ETFDH: variants seen among roughly 807,000 people sequenced by gnomAD.
ETFDH encodes the protein electron transfer flavoprotein dehydrogenase.
Under a neutral mutation model 73.2 loss-of-function variants are expected in ETFDH, and 61 were observed. That is an observed-to-expected ratio of 0.83 (90% confidence interval 0.68 to 1.03). The LOEUF is 1.03. Among genes scored for constraint, ETFDH ranks in the 50% least tolerant of loss-of-function variants. The pLI, the probability that ETFDH is intolerant of heterozygous loss-of-function variation, is 0.00. For synonymous variants in ETFDH, 243 were observed against 253.3 expected (o/e 0.96, Z 0.39); for missense variants, 685 against 745.0 (o/e 0.92, Z 0.94).
chr4:158,678,092 G>A (rs1212326318), intron 1 of ETFDH, among the ~76,000 whole-genome samples: 1 of 152,188 alleles, frequency 6.6e-6, no homozygotes, highest in Non-Finnish European at 1.5e-5. Context: ...GCCCTTTGCG[G>A]AGCTTCATGT....
In ETFDH at chr4:158,697,707, A is replaced by G. The variant is rs778686663; in HGVS notation, c.972+8A>G. Reference sequence around the variant, plus strand: ...GTAGCTCTTGGTCTTGTGGTAAGTTATATTCCCATTAGGGAAAATTCTGCT... The same window carrying G: ...GTAGCTCTTGGTCTTGTGGTAAGTTGTATTCCCATTAGGGAAAATTCTGCT... On this transcript the variant is annotated splice_region_variant and intron_variant, in intron 8 of 12. Coordinates refer to ENST00000511912, the MANE Select transcript of ETFDH (RefSeq NM_004453.4). 8 of 1,612,508 alleles carry G rather than the reference A, an allele frequency of 5.0e-6. No individual in the cohort carries two copies. The highest frequency in any genetic ancestry group is 2.2e-5 in the East Asian group (1 of 44,854).
chr4:158,707,676 A>G (rs934225328), intron 12 of ETFDH, among the ~76,000 whole-genome samples: 13 of 148,510 alleles, frequency 8.8e-5, no homozygotes, highest in African/African-American at 3.4e-4. Flanking sequence ...TCACATTATC[A>G]TACTTGTGTC....
At position 158,685,093 on chromosome 4, in the gene ETFDH, A is replaced by G; in HGVS notation, c.488-8A>G. 2 of 1,493,022 alleles carry G rather than the reference A, an allele frequency of 1.3e-6. No individual in the cohort carries two copies. The highest frequency in any genetic ancestry group is 1.9e-6 in the Non-Finnish European group (2 of 1,070,380). 92.5% of individuals were successfully genotyped at this position (1,493,022 alleles called of 1,614,324 possible). On this transcript the variant is annotated splice_region_variant and splice_polypyrimidine_tract_variant and intron_variant, in intron 4 of 12. Coordinates refer to ENST00000511912, the MANE Select transcript of ETFDH (RefSeq NM_004453.4). ...AGTCAGATTTATAAATTAAGCATAT[A>G]TTTATAGGGCTTCCAATGAATAATC...
intron 2 of ETFDH, 33 bp downstream of exon 2, chr4:158,680,640 T>C (rs1773831119): frequency 4.5e-6 from 7 of 1,559,628 alleles, no homozygotes; most frequent in Non-Finnish European, 6.2e-6. Context: ...TTCCTGAGAC[T>C]TTTCTGGATA....
intron 3 of ETFDH, 28 bp from the exon 4 acceptor site, chr4:158,684,564 A>G (rs1341786427): frequency 7.8e-7 from 1 of 1,284,746 alleles, no homozygotes; most frequent in Non-Finnish European, 1.1e-6. Context: ...TAAACTAAAA[A>G]CATTTCTTTT....
At chr4:158,687,217 G>A (rs941071650) in intron 5 of ETFDH, among the ~76,000 whole-genome samples, 1 of 152,186 alleles carries the variant, frequency 6.6e-6, no homozygotes, top group East Asian at 1.9e-4. Context: ...GGGACCAGAA[G>A]TAATTGTTTG....
In ETFDH at chr4:158,706,232, G is replaced by A. The variant is rs775117620; in HGVS notation, c.1329G>A (p.Trp443Ter). The A allele has an allele frequency of 6.2e-7, 1 of 1,612,482 alleles. No homozygotes were observed. Among genetic ancestry groups the A allele is most frequent in the Non-Finnish European group, 8.5e-7 (1 of 1,178,468 alleles). ...ATGAGGACAATTTGAAGAACTCATG[G>A]GTATGGAAAGAGCTATATTCTGTTA... is the stretch of plus-strand genomic sequence containing the variant. ...TEYEDNLKNS[W>*]VWKELYSVRN... The change falls in exon 11 of 13, where the codon TGG (tryptophan) becomes TGA (stop). Residue 443 changes from tryptophan to a stop codon, truncating the protein, a stop_gained. Transcript: ENST00000511912. LOFTEE classifies it high-confidence loss of function.
intron 10 of ETFDH, among the ~76,000 whole-genome samples, chr4:158,704,197 C>T (rs1774545662): frequency 6.6e-6 from 1 of 152,224 alleles, no homozygotes; most frequent in African/African-American, 2.4e-5. Flanking sequence ...ATGTAATACA[C>T]ACAATTAAGA....
intron 1 of ETFDH, among the ~76,000 whole-genome samples, chr4:158,674,723 T>C (rs187103715): frequency 2.6e-5 from 4 of 152,386 alleles, no homozygotes; most frequent in East Asian, 1.9e-4. Flanking sequence ...ATTAATCTTT[T>C]ATAGTACCAT....
At chr4:158,697,778 T>C (rs755736491) in intron 8 of ETFDH, 79 bp downstream of exon 8, 1 of 1,295,420 alleles carries the variant, frequency 7.7e-7, no homozygotes, top group Non-Finnish European at 1.1e-6. Context: ...GGGTTTTGAA[T>C]CTGAAGACTG....
At chr4:158,673,953 GAGATATC>G (rs1773648938) in intron 1 of ETFDH, among the ~76,000 whole-genome samples, 1 of 152,174 alleles carries the variant, frequency 6.6e-6, no homozygotes, top group Admixed American at 6.5e-5. Context: ...TCTCTAAAGT[GAGATATC>G]AGATGTGTTT....
Position 158,696,979 on chromosome 4 carries a change from T to C in ETFDH, c.832-580T>C, listed in dbSNP as rs76834115. ...GTCTTTACCAATTTGAGAATCTATT[T>C]AATGTCTTAAAGAGTTCATAAGTTT... is the stretch of plus-strand genomic sequence containing the variant. On this transcript the variant is annotated intron_variant, in intron 7 of 12. Coordinates refer to ENST00000511912, the MANE Select transcript of ETFDH (RefSeq NM_004453.4). Among the ~76,000 whole-genome samples, 631 of 152,336 alleles carry C rather than the reference T, an allele frequency of 4.1e-3. 21 individuals carry two copies. In the East Asian group the frequency reaches 0.087, roughly 21 times the overall value.
In ETFDH at chr4:158,690,329, T is replaced by C; in HGVS notation, c.607-19T>C. 3 of 1,390,950 alleles carry C rather than the reference T, an allele frequency of 2.2e-6. No homozygotes were observed. Among genetic ancestry groups the C allele is most frequent in the Non-Finnish European group, 3.1e-6 (3 of 976,614 alleles). 86.2% of individuals were successfully genotyped at this position (1,390,950 alleles called of 1,614,324 possible). The stretch of plus-strand genomic sequence containing the variant: ...ATGAATTCTAAGGTATTAATAAATT[T>C]GTTTTTTATCATTTTTAGGTCCTTT... On this transcript the variant is annotated intron_variant, in intron 5 of 12. Transcript: ENST00000511912.
chr4:158,672,402 G>T lies in ETFDH; in HGVS notation c.-55G>T, dbSNP rs1487369316. ...GGCCTAGAGGTCCAGCGCCCGCCGC[G>T]AGCAGCGGACAGTCCTCCTGTTGTG... is the stretch of plus-strand genomic sequence containing the variant. On this transcript the variant is annotated 5_prime_UTR_variant, in exon 1 of 13. Coordinates refer to ENST00000511912, the MANE Select transcript of ETFDH (RefSeq NM_004453.4). 4 of 1,598,060 alleles carry T rather than the reference G, an allele frequency of 2.5e-6. No individual in the cohort carries two copies. Among genetic ancestry groups the T allele is most frequent in the Admixed American group, 1.7e-5 (1 of 59,994 alleles).
At chr4:158,688,201 G>C (rs1421726436) in intron 5 of ETFDH, among the ~76,000 whole-genome samples, 1 of 150,748 alleles carries the variant, frequency 6.6e-6, no homozygotes, top group African/African-American at 2.4e-5. Flanking sequence ...AGACCATCCT[G>C]GCCAACATGG....
At chr4:158,677,966 G>A (rs186784416) in intron 1 of ETFDH, among the ~76,000 whole-genome samples, 1 of 152,160 alleles carries the variant, frequency 6.6e-6, no homozygotes, top group Non-Finnish European at 1.5e-5. Flanking sequence ...GCAAATATAG[G>A]GTTTGATCTT....
chr4:158,694,800 C>T (rs1774267424), intron 6 of ETFDH, among the ~76,000 whole-genome samples: 1 of 151,838 alleles, frequency 6.6e-6, no homozygotes, highest in Non-Finnish European at 1.5e-5. Context: ...TAGATGTACC[C>T]TTTGATCTAA....
chr4:158,692,230 GA>G (rs946088804), intron 6 of ETFDH, among the ~76,000 whole-genome samples: 34 of 147,618 alleles, frequency 2.3e-4, no homozygotes, highest in African/African-American at 7.4e-4. Context: ...TGTCCCTACT[GA>G]AAAAAAAAAT....
At chr4:158,693,175 T>C (rs1421242376) in intron 6 of ETFDH, among the ~76,000 whole-genome samples, 1 of 152,208 alleles carries the variant, frequency 6.6e-6, no homozygotes, top group Non-Finnish European at 1.5e-5. Flanking sequence ...GAGTCACAAA[T>C]ACCTCCATTT....
Sources: allele counts gnomAD v4.1 joint callset (sites outside exome capture counted in the v4.1 genomes callset), GRCh38; gene constraint gnomAD v4.1.1; transcripts MANE v1.5; gene names NCBI Gene and HGNC (gene_info 2026-07-23, HGNC 2026-07-21).